The following USP40 variants were observed in gnomAD, a reference collection of about 807,000 sequenced individuals.
The protein encoded by USP40 is ubiquitin specific peptidase 40, also known as ubiquitin carboxyl-terminal hydrolase 40.
Under a neutral mutation model 166.2 loss-of-function variants are expected in USP40, and 143 were observed. The observed-to-expected ratio is 0.86, with a 90% CI of 0.75 to 0.99. The LOEUF (loss-of-function observed/expected upper bound fraction) is 0.99, where lower values mean the gene tolerates loss of function less well. Among genes scored for constraint, USP40 ranks in the 50% least tolerant of loss-of-function variants. The pLI is 0.00. For synonymous variants in USP40, 498 were observed against 524.0 expected, an observed-to-expected ratio of 0.95 and a Z score of 0.68; for missense variants, 1,444 against 1,479.7, an observed-to-expected ratio of 0.98 and a Z score of 0.40.
In USP40 at chr2:233,477,354, G is replaced by A. The variant is rs777771652; in HGVS notation, c.*38C>T. On this transcript the variant is annotated 3_prime_UTR_variant, in exon 32 of 32. Transcript: ENST00000678225. ...GAAACCCACGTTTGTGGCATCAGCCGGAGAGTTCATCGGGAGTAGAGCCGT... is the reference window on the plus strand; with the variant it reads ...GAAACCCACGTTTGTGGCATCAGCCAGAGAGTTCATCGGGAGTAGAGCCGT... 12 of 1,594,108 alleles carry A rather than the reference G, an allele frequency of 7.5e-6. No individual in the cohort carries two copies. The highest frequency in any genetic ancestry group is 2.2e-5 in the East Asian group (1 of 44,654).
At chr2:233,513,788 G>T (rs139081325) in intron 18 of USP40, among the ~76,000 whole-genome samples, 1 of 152,040 alleles carries the variant, frequency 6.6e-6, no homozygotes, top group East Asian at 1.9e-4. Flanking sequence ...AGATCCCCTG[G>T]TGCTTGGAAG....
chr2:233,513,577 G>A (rs1011109030), intron 18 of USP40, among the ~76,000 whole-genome samples: 11 of 152,118 alleles, frequency 7.2e-5, no homozygotes, highest in African/African-American at 2.4e-4. Flanking sequence ...CATATACCAT[G>A]GTTGCTGAAA....
chr2:233,494,945 T>TAG (rs1559224221), intron 24 of USP40, among the ~76,000 whole-genome samples: 1 of 34,196 alleles, frequency 2.9e-5, no homozygotes, highest in Non-Finnish European at 5.3e-5. Flanking sequence ...TATATATATA[T>TAG]ATATATATAT....
rs755980721 is a variant in USP40, at chr2:233,557,025, A to T, written c.382-6T>A. 3 of 1,606,304 alleles carry T rather than the reference A, an allele frequency of 1.9e-6. No homozygotes were observed. Among genetic ancestry groups the T allele is most frequent in the Non-Finnish European group, 2.5e-6 (3 of 1,177,502 alleles). ...ACATCATGTTGCCTCATTTCCTACA[A>T]AACAGGTAACTTTTAGATGTAATTC... On this transcript the variant is annotated splice_polypyrimidine_tract_variant and splice_region_variant and intron_variant, in intron 4 of 31. Coordinates refer to ENST00000678225, the MANE Select transcript of USP40 (RefSeq NM_001365479.2).
At chr2:233,499,776 C>T in intron 22 of USP40, 103 bp downstream of exon 22, 2 of 892,582 alleles carry the variant, frequency 2.2e-6, no homozygotes, top group East Asian at 2.6e-5. Flanking sequence ...TTTATTTCTC[C>T]ACACCCTATA....
At chr2:233,513,983 T>C (rs571353454) in intron 18 of USP40, among the ~76,000 whole-genome samples, 177 of 152,306 alleles carry the variant, frequency 1.2e-3, no homozygotes, top group Middle Eastern at 3.4e-3. Flanking sequence ...ATTACAGTAA[T>C]ATGAGGCTAG....
Position 233,476,862 on chromosome 2 carries a change from C to T in USP40, c.*530G>A, listed in dbSNP as rs544253571. ...AGGGCAGACGTGGAGCATGCGGGGCCGGAACGAGTGGGGGAAATGAAGTCC... is the reference window on the plus strand; with the variant it reads ...AGGGCAGACGTGGAGCATGCGGGGCTGGAACGAGTGGGGGAAATGAAGTCC... On this transcript the variant is annotated 3_prime_UTR_variant, in exon 32 of 32. Coordinates refer to ENST00000678225, the MANE Select transcript of USP40 (RefSeq NM_001365479.2). 6.7e-5 allele frequency: 13 copies of T among 194,990 alleles called. No homozygotes were observed. Among genetic ancestry groups the T allele is most frequent in the African/African-American group, 2.6e-4 (11 of 42,216 alleles). The allele number at this position is 194,990 out of a possible 1,614,324, so 12.1% of individuals were successfully genotyped here. A position where few individuals can be genotyped will look rare whatever the true frequency, so the allele number is the denominator to read the frequency against.
At position 233,475,835 on chromosome 2, in the gene USP40, G is replaced by A. The variant is rs2064157120; in HGVS notation, c.*1557C>T. The A allele has an allele frequency of 6.6e-6, 1 of 152,420 alleles. No homozygotes were observed. The highest frequency in any genetic ancestry group is 2.4e-5 in the African/African-American group (1 of 41,460). 9.4% of individuals were successfully genotyped at this position (152,420 alleles called of 1,614,324 possible). A position where few individuals can be genotyped will look rare whatever the true frequency, so the allele number is the denominator to read the frequency against. On this transcript the variant is annotated 3_prime_UTR_variant, in exon 32 of 32. Coordinates refer to ENST00000678225, the MANE Select transcript of USP40 (RefSeq NM_001365479.2). ...CAGAAATATGTCAGTTAAAGCCACA[G>A]AAACAGAACAGCTTAAGAAGGGCTG...
rs1559285494 is a variant in USP40, at chr2:233,556,980, G to GT, written c.420_421insA (p.Leu141ThrfsTer16). 4 of 1,613,666 alleles carry GT rather than the reference G, an allele frequency of 2.5e-6. No individual in the cohort carries two copies. The highest frequency in any genetic ancestry group is 3.4e-6 in the Non-Finnish European group (4 of 1,179,820). ...AAAGAAGTTTCCAAAGCGCTGAAGA[G>GT]GATTCGATTCAGTTCCTGCACATCA... On this transcript the variant is annotated frameshift_variant, in exon 5 of 32. Coordinates refer to ENST00000678225, the MANE Select transcript of USP40 (RefSeq NM_001365479.2). LOFTEE classifies it high-confidence loss of function.
chr2:233,525,697 C>T, intron 13 of USP40, 135 bp from the exon 14 acceptor site: 1 of 579,682 alleles, frequency 1.7e-6, no homozygotes, highest in Non-Finnish European at 2.9e-6. Context: ...CCCCACCCAA[C>T]ACCGAAAACT....
chr2:233,520,041 A>G (rs982202806), intron 17 of USP40, among the ~76,000 whole-genome samples: 1 of 152,168 alleles, frequency 6.6e-6, no homozygotes, highest in Non-Finnish European at 1.5e-5. Flanking sequence ...ACATTTCTCT[A>G]TGTCAGGAAT....
chr2:233,525,447 G>T, intron 14 of USP40, 31 bp downstream of exon 14: 2 of 1,554,652 alleles, frequency 1.3e-6, no homozygotes, highest in African/African-American at 1.4e-5. Flanking sequence ...GATATATAGA[G>T]TGAGTTGCTA....
intron 3 of USP40, chr2:233,560,685 A>C (rs947400546): frequency 3.3e-5 from 8 of 240,994 alleles, no homozygotes; most frequent in Non-Finnish European, 6.4e-5. Context: ...ATGTTTAAGC[A>C]GGGAGGAACA....
At chr2:233,524,443 T>C (rs1442874192) in intron 15 of USP40, 49 bp downstream of exon 15, 2 of 1,558,518 alleles carry the variant, frequency 1.3e-6, no homozygotes, top group Non-Finnish European at 1.8e-6. Flanking sequence ...ACGATGACTT[T>C]TAAAACATCC....
At position 233,547,154 on chromosome 2, in the gene USP40, A is replaced by G. The variant is rs567356294; in HGVS notation, c.966+1947T>C. The G allele has an allele frequency of 3.3e-5, 5 of 152,366 alleles. 1 individual carries two copies. The highest frequency in any genetic ancestry group is 2.6e-4 in the Admixed American group (4 of 15,302). 9.4% of individuals were successfully genotyped at this position (152,366 alleles called of 1,614,324 possible). ...ATAGATGACTTCAACATGAGTGTTT[A>G]GCAAGATTATTGGTTGTTAGTGTAT... On this transcript the variant is annotated intron_variant, in intron 8 of 31. Transcript: ENST00000678225.
At chr2:233,489,315 A>C in intron 27 of USP40, 50 bp downstream of exon 27, 1 of 1,485,960 alleles carries the variant, frequency 6.7e-7, no homozygotes, top group Non-Finnish European at 9.2e-7. Flanking sequence ...CACACCAGCC[A>C]GTGCGTCAGC....
chr2:233,532,618 G>A (rs1319605233), intron 11 of USP40, among the ~76,000 whole-genome samples: 3 of 152,108 alleles, frequency 2.0e-5, no homozygotes, highest in Admixed American at 6.5e-5. Flanking sequence ...TTTGCTGGGC[G>A]TTTTGTCTAA....
At chr2:233,560,982 C>A in intron 3 of USP40, 1 of 774,878 alleles carries the variant, frequency 1.3e-6, no homozygotes, top group Admixed American at 2.0e-5. Flanking sequence ...AAAACTGATT[C>A]TTTCTCGGAA....
chr2:233,525,962 A>G (rs2067996547), intron 13 of USP40, among the ~76,000 whole-genome samples: 1 of 152,120 alleles, frequency 6.6e-6, no homozygotes, highest in South Asian at 2.1e-4. Flanking sequence ...TCTAGCACAC[A>G]CTCATCTTCT....
Sources: gnomAD v4.1 joint callset for allele counts (sites outside exome capture counted in the v4.1 genomes callset) on GRCh38, gnomAD v4.1.1 for gene constraint, MANE v1.5 for transcripts, NCBI Gene and HGNC (gene_info 2026-07-23, HGNC 2026-07-21) for gene names.